ATP2B2: variants seen among roughly 807,000 people sequenced by gnomAD.
ATP2B2 encodes the protein plasma membrane calcium-transporting ATPase 2.
ATP2B2 carries 15 observed loss-of-function variants against 120.0 expected under a neutral mutation model. That is an observed-to-expected ratio of 0.12 (90% CI 0.08 to 0.19). The LOEUF (loss-of-function observed/expected upper bound fraction) is 0.19, where lower values mean the gene tolerates loss of function less well. Ranked by LOEUF, ATP2B2 falls within the 10% of genes least tolerant of loss-of-function variation. The probability of loss-of-function intolerance (pLI) is 1.00; values close to 1 mark genes in which losing one functional copy is unlikely to be tolerated. For synonymous variants in ATP2B2, 694 were observed against 700.3 expected (o/e 0.99, Z 0.14); for missense variants, 1,045 against 1,719.8 (o/e 0.61, Z 6.94).
At chr3:10,366,150 G>A (rs1298152728) in intron 12 of ATP2B2, among the ~76,000 whole-genome samples, 1 of 152,108 alleles carries the variant, frequency 6.6e-6, no homozygotes, top group Non-Finnish European at 1.5e-5. Flanking sequence ...GTATGGCCTG[G>A]CTTAGGGGGA....
rs990824913 is a variant in ATP2B2 at position 10,328,022 on chromosome 3, A to T, written c.*792T>A. On this transcript the variant is annotated 3_prime_UTR_variant, in exon 23 of 23. Coordinates refer to ENST00000360273, the MANE Select transcript of ATP2B2 (RefSeq NM_001001331.4). ...ATCTACAGGTTTGTAAACAAATTACATTCTTCTTTTAGGACATAAATAAGT... is the reference window on the plus strand; with the variant it reads ...ATCTACAGGTTTGTAAACAAATTACTTTCTTCTTTTAGGACATAAATAAGT... The T allele has an allele frequency of 1.3e-5, 2 of 152,556 alleles. No individual in the cohort carries two copies. The highest frequency in any genetic ancestry group is 4.8e-5 in the African/African-American group (2 of 41,456). 9.5% of individuals were successfully genotyped at this position (152,556 alleles called of 1,614,324 possible). A position where few individuals can be genotyped will look rare whatever the true frequency, so the allele number is the denominator to read the frequency against.
At chr3:10,594,486 A>C (rs182189932) in intron 2 of ATP2B2, among the ~76,000 whole-genome samples, 1,523 of 147,520 alleles carry the variant, frequency 0.01, 25 homozygotes, top group African/African-American at 0.036. Context: ...CAAACATTGC[A>C]TGTTCTCACT....
intron 18 of ATP2B2, among the ~76,000 whole-genome samples, chr3:10,344,115 G>A (rs894580402): frequency 2.0e-5 from 3 of 151,442 alleles, no homozygotes; most frequent in Non-Finnish European, 2.9e-5. Flanking sequence ...CCTTGCCCCC[G>A]TCCTCCCCAC....
chr3:10,400,807 G>A, intron 5 of ATP2B2, 146 bp downstream of exon 5: 4 of 1,236,216 alleles, frequency 3.2e-6, no homozygotes, highest in Non-Finnish European at 4.6e-6. Flanking sequence ...AGAAAAGGAA[G>A]GGAGTTCTCA....
intron 1 of ATP2B2, among the ~76,000 whole-genome samples, chr3:10,488,903 T>C (rs1218932941): frequency 6.6e-6 from 1 of 152,158 alleles, no homozygotes; most frequent in African/African-American, 2.4e-5. Context: ...AGGCTCCTGT[T>C]GCTCCTGTCA....
At chr3:10,482,849 C>T (rs1160866713) in intron 1 of ATP2B2, among the ~76,000 whole-genome samples, 1 of 152,244 alleles carries the variant, frequency 6.6e-6, no homozygotes, top group Non-Finnish European at 1.5e-5. Context: ...CCGCTCCCAG[C>T]CCTGTTGAAC....
At chr3:10,449,260 T>A (rs1423222350) in intron 2 of ATP2B2, 85 bp downstream of exon 2, 1 of 1,438,818 alleles carries the variant, frequency 7.0e-7, no homozygotes, top group Non-Finnish European at 9.7e-7. Context: ...TCCCTGCTGT[T>A]ACATATTATG....
At position 10,358,547 on chromosome 3, in the gene ATP2B2, T is replaced by C. The variant is rs3774178; in HGVS notation, c.2136+144A>G. 0.39 allele frequency: 331,450 copies of C among 860,650 alleles called. 67,999 individuals are homozygous for C. The highest frequency in any genetic ancestry group is 0.53 in the Admixed American group (26,460 of 49,772). 53.3% of individuals were successfully genotyped at this position (860,650 alleles called of 1,614,324 possible). On this transcript the variant is annotated intron_variant, in intron 14 of 22. Transcript: ENST00000360273. ...CACTGTTTCTCATGGGCAATCCTCT[T>C]ATGAGGATCAAGGAAGGAAATCCCC...
chr3:10,498,311 C>T (rs1002637539), intron 1 of ATP2B2, among the ~76,000 whole-genome samples: 8 of 152,226 alleles, frequency 5.3e-5, no homozygotes, highest in African/African-American at 7.2e-5. Flanking sequence ...TCAACTACTG[C>T]GCTACATCAA....
chr3:10,433,856 C>G (rs1490039359), intron 2 of ATP2B2, among the ~76,000 whole-genome samples: 1 of 152,192 alleles, frequency 6.6e-6, no homozygotes, highest in Non-Finnish European at 1.5e-5. Flanking sequence ...TCTCAAAGCA[C>G]TTATCCACTC....
intron 2 of ATP2B2, among the ~76,000 whole-genome samples, chr3:10,561,590 C>T (rs1309805248): frequency 6.6e-6 from 1 of 152,168 alleles, no homozygotes; most frequent in Non-Finnish European, 1.5e-5. Context: ...TGAATTGTAG[C>T]TCCCATAATT....
chr3:10,424,948 G>A (rs370179615), intron 2 of ATP2B2, among the ~76,000 whole-genome samples: 1 of 152,164 alleles, frequency 6.6e-6, no homozygotes, highest in East Asian at 1.9e-4. Context: ...AAGGGAAAGG[G>A]CACTATGATT....
intron 1 of ATP2B2, among the ~76,000 whole-genome samples, chr3:10,502,293 G>A (rs1157324251): frequency 6.6e-6 from 1 of 152,178 alleles, no homozygotes; most frequent in Non-Finnish European, 1.5e-5. Context: ...CTCTCTGGCA[G>A]CTGTGGCATA....
Position 10,346,269 on chromosome 3 carries a change from C to A in ATP2B2, c.2405-132G>T. On this transcript the variant is annotated intron_variant, in intron 16 of 22. Coordinates refer to ENST00000360273, the MANE Select transcript of ATP2B2 (RefSeq NM_001001331.4). This position sits in a 1 kb window ranked among gnomAD's most constrained non-coding sequence, Gnocchi z 4.1. ...GTCCCTGTCCAGCCGCCCCCTCCATCCAGGCTCTTCCCAGCTCCAGGCTGG... is the reference window on the plus strand; with the variant it reads ...GTCCCTGTCCAGCCGCCCCCTCCATACAGGCTCTTCCCAGCTCCAGGCTGG... 1.2e-6 allele frequency: 1 copy of A among 842,736 alleles called. No homozygotes were observed. The highest frequency in any genetic ancestry group is 1.9e-6 in the Non-Finnish European group (1 of 518,132). 52.2% of individuals were successfully genotyped at this position (842,736 alleles called of 1,614,324 possible). A position where few individuals can be genotyped will look rare whatever the true frequency, so the allele number is the denominator to read the frequency against.
At chr3:10,420,588 C>T (rs1414151482) in intron 2 of ATP2B2, among the ~76,000 whole-genome samples, 2 of 152,232 alleles carry the variant, frequency 1.3e-5, no homozygotes, top group Admixed American at 1.3e-4. Context: ...TCTAGAACTC[C>T]TGACCTCAGG....
At chr3:10,387,423 T>C (rs1397464514) in intron 6 of ATP2B2, among the ~76,000 whole-genome samples, 2 of 152,216 alleles carry the variant, frequency 1.3e-5, no homozygotes, top group Non-Finnish European at 2.9e-5. Flanking sequence ...TGTCCTCTCA[T>C]CTCCCTTCTG....
At chr3:10,548,279 G>A (rs1373618774) in intron 2 of ATP2B2, among the ~76,000 whole-genome samples, 1 of 152,218 alleles carries the variant, frequency 6.6e-6, no homozygotes, top group Non-Finnish European at 1.5e-5. Context: ...GCAACACTAA[G>A]AGCTGGTGCA....
chr3:10,643,065 C>CACAACAACA lies in ATP2B2; in HGVS notation c.-459-23113_-459-23105dup, dbSNP rs369120862. 1.1e-3 allele frequency among the ~76,000 whole-genome samples: 170 copies of CACAACAACA among 151,906 alleles called. 3 individuals are homozygous for CACAACAACA. The East Asian group carries it at 0.027, about 24-fold the overall frequency. ...AAGGAGATGCTTAAATACGCACTCACACAACAACAACAACAACAACAACAG... is the reference window on the plus strand; with the variant it reads ...AAGGAGATGCTTAAATACGCACTCACACAACAACAACAACAACAACAACAACAACAACAG... On this transcript the variant is annotated intron_variant, in intron 1 of 21. Transcript: ENST00000646379.
intron 16 of ATP2B2, among the ~76,000 whole-genome samples, chr3:10,348,078 G>A (rs1574973657): frequency 6.6e-6 from 1 of 152,106 alleles, no homozygotes; most frequent in East Asian, 1.9e-4. Context: ...GGCTTCTGCA[G>A]CTCCTCTCTC....
Sources: gnomAD v4.1 joint callset for allele counts (sites outside exome capture counted in the v4.1 genomes callset) on GRCh38, gnomAD v4.1.1 for gene constraint, Gnocchi (gnomAD v3.1) non-coding constraint, MANE v1.5 for transcripts, NCBI Gene and HGNC (gene_info 2026-07-23, HGNC 2026-07-21) for gene names.